SIRPB1: variants seen among roughly 807,000 people sequenced by gnomAD.
The protein encoded by SIRPB1 is signal-regulatory protein beta-1.
Under a neutral mutation model 34.1 loss-of-function variants are expected in SIRPB1, and 28 were observed. That is an observed-to-expected ratio of 0.82 (90% CI 0.61 to 1.12). The LOEUF is 1.12. Ranked by LOEUF, SIRPB1 falls within the 50% of genes most tolerant of loss-of-function variation. The pLI, the probability that SIRPB1 is intolerant of heterozygous loss-of-function variation, is 0.00. For missense variants in SIRPB1, 499 were observed against 507.0 expected, an observed-to-expected ratio of 0.98 and a Z score of 0.15; for synonymous variants, 211 against 203.8, an observed-to-expected ratio of 1.04 and a Z score of -0.30.
At position 1,564,366 on chromosome 20, in the gene SIRPB1, T is replaced by C. The variant is rs1417477430; in HGVS notation, c.*1134A>G. On this transcript the variant is annotated 3_prime_UTR_variant, in exon 6 of 6. Coordinates refer to ENST00000381605, the MANE Select transcript of SIRPB1 (RefSeq NM_006065.5). ...AGAATGCCGGGATAGAGAAAATAAATAATATTTTATACAAGGTAGTTTATA... is the reference window on the plus strand; with the variant it reads ...AGAATGCCGGGATAGAGAAAATAAACAATATTTTATACAAGGTAGTTTATA... 6.6e-6 allele frequency: 1 copy of C among 152,146 alleles called. No homozygotes were observed. Among genetic ancestry groups the C allele is most frequent in the Non-Finnish European group, 1.5e-5 (1 of 68,034 alleles). 9.4% of individuals were successfully genotyped at this position (152,146 alleles called of 1,614,324 possible). A position where few individuals can be genotyped will look rare whatever the true frequency, so the allele number is the denominator to read the frequency against.
intron 2 of SIRPB1, among the ~76,000 whole-genome samples, chr20:1,576,308 TTTCATGTACATA>T (rs2091308830): frequency 6.8e-6 from 1 of 148,028 alleles, no homozygotes; most frequent in Non-Finnish European, 1.5e-5. Flanking sequence ...CAATGTACAT[TTTCATGTACATA>T]CATGTACATG....
At chr20:1,592,331 C>A (rs1438916778) in intron 1 of SIRPB1, among the ~76,000 whole-genome samples, 1 of 48,016 alleles carries the variant, frequency 2.1e-5, no homozygotes, top group Admixed American at 1.4e-4. Context: ...CAGGCACCCA[C>A]CATCATGCCC....
Position 1,566,050 on chromosome 20 carries a change from A to T in SIRPB1, c.*2+103T>A, listed in dbSNP as rs2091126114. ...TGAGGGAGCCCTGTCACCTTCTGTA[A>T]ACTCCACTGACCCTGAAGCTGCATG... On this transcript the variant is annotated intron_variant, in intron 5 of 5. Transcript: ENST00000381605. The T allele has an allele frequency of 8.5e-6, 6 of 706,292 alleles. No individual in the cohort carries two copies. The Admixed American group carries it at 1.5e-4, about 18-fold the overall frequency. The allele number at this position is 706,292 out of a possible 1,614,324, so 43.8% of individuals were successfully genotyped here.
intron 3 of SIRPB1, among the ~76,000 whole-genome samples, 191 bp from the exon 4 acceptor site, chr20:1,571,328 T>G (rs2091233388): frequency 6.6e-6 from 1 of 152,194 alleles, no homozygotes. Flanking sequence ...TGGCGCACAG[T>G]AGGTGCCCAA....
At position 1,570,890 on chromosome 20, in the gene SIRPB1, C is replaced by T. The variant is rs1456222251; in HGVS notation, c.999G>A (p.Glu333=). Residue 333 remains glutamate, a synonymous_variant, in exon 4 of 6, where the codon GAG becomes GAA. Transcript: ENST00000381605. ...RDDVVLTCQV[E]HDGQQAVSKS... is the part of the protein sequence containing the mutation. ...TGCTGACTGCTTGCTGCCCATCATG[C>T]TCCACCTGACAGGTGAGCACCACAT... is the stretch of plus-strand genomic sequence containing the variant. 6.2e-7 allele frequency: 1 copy of T among 1,614,088 alleles called. No individual in the cohort carries two copies. Among genetic ancestry groups the T allele is most frequent in the African/African-American group, 1.3e-5 (1 of 74,934 alleles).
intron 2 of SIRPB1, 115 bp from the exon 3 acceptor site, chr20:1,572,152 G>A: frequency 6.7e-7 from 1 of 1,499,778 alleles, no homozygotes; most frequent in Non-Finnish European, 9.0e-7. Context: ...TTCTAATAAT[G>A]TCGTGAAGGC....
chr20:1,568,771 A>G (rs1161698330), intron 4 of SIRPB1, among the ~76,000 whole-genome samples: 1 of 152,194 alleles, frequency 6.6e-6, no homozygotes, highest in Non-Finnish European at 1.5e-5. Context: ...AACTACAAAA[A>G]GTAGGGCAAA....
At position 1,601,594 on chromosome 20, in the gene SIRPB1, G is replaced by A. The variant is rs1441257726; in HGVS notation, c.76+18275C>T. On this transcript the variant is annotated intron_variant, in intron 1 of 5. Transcript: ENST00000381605. ...TCACATAAGGCATCTTGCATGTTGTGTACCAGCCTAGACAACCTAAAACGC... is the reference window on the plus strand; with the variant it reads ...TCACATAAGGCATCTTGCATGTTGTATACCAGCCTAGACAACCTAAAACGC... 1.6e-4 allele frequency among the ~76,000 whole-genome samples: 8 copies of A among 48,812 alleles called. 3 individuals carry two copies. Among genetic ancestry groups the A allele is most frequent in the Admixed American group, 2.8e-4 (2 of 7,250 alleles). The allele number at this position is 48,812 out of a possible 152,430, so 32.0% of individuals were successfully genotyped here.
At chr20:1,618,999 G>T (rs371745275) in intron 1 of SIRPB1, among the ~76,000 whole-genome samples, 1 of 152,164 alleles carries the variant, frequency 6.6e-6, no homozygotes, top group Non-Finnish European at 1.5e-5. Context: ...TCATTGGGGT[G>T]GGCCTTAATA....
At position 1,576,540 on chromosome 20, in the gene SIRPB1, T is replaced by G. The variant is rs893732491; in HGVS notation, c.433+1798A>C. On this transcript the variant is annotated intron_variant, in intron 2 of 5. Coordinates refer to ENST00000381605, the MANE Select transcript of SIRPB1 (RefSeq NM_006065.5). The stretch of plus-strand genomic sequence containing the variant: ...TGAGAATTAATCTCCTTCCTCTGTC[T>G]TGTAAGGACCTTTCTTATGTATTGT... 1.4e-5 allele frequency among the ~76,000 whole-genome samples: 2 copies of G among 148,140 alleles called. 1 individual carries two copies. The highest frequency in any genetic ancestry group is 4.9e-5 in the African/African-American group (2 of 40,752).
At chr20:1,591,595 G>T in intron 1 of SIRPB1, 1 of 49,778 alleles carries the variant, frequency 2.0e-5, no homozygotes, top group East Asian at 5.7e-4. Context: ...TGGCCTGTGT[G>T]GTGACAATGA....
intron 4 of SIRPB1, among the ~76,000 whole-genome samples, chr20:1,568,409 C>T (rs1001999848): frequency 3.3e-5 from 5 of 152,172 alleles, no homozygotes; most frequent in Non-Finnish European, 7.4e-5. Context: ...TGCCAGGATG[C>T]CATGTCAGAC....
At chr20:1,576,471 C>A (rs1465611033) in intron 2 of SIRPB1, among the ~76,000 whole-genome samples, 1 of 148,226 alleles carries the variant, frequency 6.7e-6, no homozygotes, top group Non-Finnish European at 1.5e-5. Context: ...GTTACATCTT[C>A]CCATCACTCT....
chr20:1,569,243 C>T (rs755717585), intron 4 of SIRPB1, among the ~76,000 whole-genome samples: 1 of 152,136 alleles, frequency 6.6e-6, no homozygotes, highest in African/African-American at 2.4e-5. Context: ...AAGGAAAACA[C>T]AAGCATTTAA....
At chr20:1,616,421 A>C (rs975479311) in intron 1 of SIRPB1, among the ~76,000 whole-genome samples, 10 of 152,212 alleles carry the variant, frequency 6.6e-5, no homozygotes, top group African/African-American at 2.4e-4. Context: ...TTTACACTCA[A>C]TTGACCTTTG....
intron 1 of SIRPB1, chr20:1,604,227 T>C (rs2091491885): frequency 2.4e-6 from 1 of 417,866 alleles, no homozygotes; most frequent in Non-Finnish European, 3.4e-6. Flanking sequence ...CCCACCACGG[T>C]GAGGGCATCA....
rs1462398739 is a variant in SIRPB1 at position 1,609,673 on chromosome 20, C to T, written c.76+10196G>A. On this transcript the variant is annotated intron_variant, in intron 1 of 5. Coordinates refer to ENST00000381605, the MANE Select transcript of SIRPB1 (RefSeq NM_006065.5). ...GTGGGGCTGGGCACGGTGGCTTATG[C>T]CTGTAATCTGAGCACTCTGGGAGGC... Among the ~76,000 whole-genome samples, 5 of 72,612 alleles carry T rather than the reference C, an allele frequency of 6.9e-5. 2 individuals carry two copies. Among genetic ancestry groups the T allele is most frequent in the Non-Finnish European group, 1.3e-4 (5 of 38,706 alleles). The allele number at this position is 72,612 out of a possible 152,430, so 47.6% of individuals were successfully genotyped here. A position where few individuals can be genotyped will look rare whatever the true frequency, so the allele number is the denominator to read the frequency against.
At chr20:1,588,241 T>A (rs2091430726) in intron 1 of SIRPB1, among the ~76,000 whole-genome samples, 1 of 49,478 alleles carries the variant, frequency 2.0e-5, no homozygotes, top group Non-Finnish European at 3.9e-5. Context: ...GAGCTCACTC[T>A]GTCCTTGGGT....
At chr20:1,582,919 A>G (rs1457959211) in intron 1 of SIRPB1, among the ~76,000 whole-genome samples, 1 of 49,620 alleles carries the variant, frequency 2.0e-5, no homozygotes, top group Non-Finnish European at 3.9e-5. Flanking sequence ...CTTTTATTCA[A>G]CAATGTTCTT....
Sources: gnomAD v4.1 joint callset for allele counts (sites outside exome capture counted in the v4.1 genomes callset) on GRCh38, gnomAD v4.1.1 for gene constraint, MANE v1.5 for transcripts, NCBI Gene and HGNC (gene_info 2026-07-23, HGNC 2026-07-21) for gene names.